ROBO2: variants seen among roughly 807,000 people sequenced by gnomAD.
ROBO2 encodes roundabout homolog 2.
Under a neutral mutation model 160.8 loss-of-function variants are expected in ROBO2, and 53 were observed. The ratio of observed to expected loss-of-function variants is 0.33; its 90% CI spans 0.26 to 0.41. The LOEUF (loss-of-function observed/expected upper bound fraction) is 0.41, where lower values mean the gene tolerates loss of function less well. Ranked by LOEUF, ROBO2 falls within the 10% of genes least tolerant of loss-of-function variation. The pLI is 1.00. For synonymous variants in ROBO2, 664 were observed against 611.7 expected (o/e 1.09, Z -1.26); for missense variants, 1,577 against 1,722.4 (o/e 0.92, Z 1.49).
intron 2 of ROBO2, among the ~76,000 whole-genome samples, chr3:76,907,876 G>A (rs1559685151): frequency 6.8e-6 from 1 of 146,678 alleles, no homozygotes. Flanking sequence ...GTCTTGCTCT[G>A]TCGCCCAGGC....
intron 2 of ROBO2, among the ~76,000 whole-genome samples, chr3:77,292,596 T>A (rs1580758296): frequency 6.8e-6 from 1 of 146,936 alleles, no homozygotes; most frequent in African/African-American, 2.5e-5. Context: ...TGAGGCCAGA[T>A]CACCCCAGAC....
intron 2 of ROBO2, among the ~76,000 whole-genome samples, chr3:76,504,145 C>T (rs988474732): frequency 5.9e-5 from 9 of 152,176 alleles, no homozygotes; most frequent in East Asian, 1.9e-4. Flanking sequence ...ATGAAAAATA[C>T]GCATAACAAA....
chr3:77,451,680 C>G (rs1418509348), intron 2 of ROBO2, among the ~76,000 whole-genome samples: 3 of 151,994 alleles, frequency 2.0e-5, no homozygotes, highest in African/African-American at 7.2e-5. Context: ...TTTATCTCTC[C>G]CCTCTCCTGC....
At chr3:76,869,443 G>A (rs979646479) in intron 2 of ROBO2, among the ~76,000 whole-genome samples, 2 of 134,796 alleles carry the variant, frequency 1.5e-5, no homozygotes, top group Non-Finnish European at 3.1e-5. Flanking sequence ...TCCGCCTCCC[G>A]GGTTCACGCC....
intron 2 of ROBO2, among the ~76,000 whole-genome samples, chr3:77,222,473 T>C (rs963351150): frequency 6.6e-6 from 1 of 151,892 alleles, no homozygotes; most frequent in African/African-American, 2.4e-5. Flanking sequence ...TTCAGAAGAC[T>C]TTTTTTTAAA....
At chr3:76,503,017 T>C (rs1357433041) in intron 2 of ROBO2, among the ~76,000 whole-genome samples, 1 of 142,696 alleles carries the variant, frequency 7.0e-6, no homozygotes, top group African/African-American at 3.1e-5. Context: ...TGTGTGTGTG[T>C]GTGCGCGCGC....
At chr3:77,647,296 T>A (rs1444572076) in exon 26 of ROBO2, 2 of 152,142 alleles carry the variant, frequency 1.3e-5, no homozygotes, top group Non-Finnish European at 2.9e-5. Flanking sequence ...AGCCAAATTG[T>A]ACGTGCTTAA....
At chr3:77,165,133 G>A (rs1282779816) in intron 2 of ROBO2, among the ~76,000 whole-genome samples, 1 of 151,660 alleles carries the variant, frequency 6.6e-6, no homozygotes, top group East Asian at 1.9e-4. Flanking sequence ...GGGAAAGGCG[G>A]GGAAAAGATT....
At chr3:76,814,108 A>T (rs2109030722) in intron 2 of ROBO2, among the ~76,000 whole-genome samples, 1 of 152,292 alleles carries the variant, frequency 6.6e-6, no homozygotes, top group East Asian at 1.9e-4. Context: ...TGGGCAAATT[A>T]AAAACGAAGT....
chr3:75,954,222 T>G (rs566395948), intron 2 of ROBO2, among the ~76,000 whole-genome samples: 1 of 151,864 alleles, frequency 6.6e-6, no homozygotes, highest in Admixed American at 6.6e-5. Flanking sequence ...TTCCATTTAA[T>G]GCATGTATAT....
At chr3:76,328,908 T>TTATATA (rs201466987) in intron 2 of ROBO2, among the ~76,000 whole-genome samples, 4,501 of 135,840 alleles carry the variant, frequency 0.033, 72 homozygotes, top group East Asian at 0.065. Context: ...ATTTATGTTA[T>TTATATA]TATATATATA....
At chr3:75,968,347 A>G (rs1219664756) in intron 2 of ROBO2, among the ~76,000 whole-genome samples, 1 of 151,452 alleles carries the variant, frequency 6.6e-6, no homozygotes, top group African/African-American at 2.4e-5. Context: ...TCCTCTGCTT[A>G]TCTTCCATCA....
chr3:77,031,980 C>T (rs1416859003), intron 2 of ROBO2, among the ~76,000 whole-genome samples: 2 of 152,088 alleles, frequency 1.3e-5, no homozygotes, highest in Non-Finnish European at 2.9e-5. Flanking sequence ...GTGGTACCTT[C>T]TCACTGTGTC....
At chr3:76,288,409 C>G (rs958216147) in intron 2 of ROBO2, among the ~76,000 whole-genome samples, 1 of 151,828 alleles carries the variant, frequency 6.6e-6, no homozygotes, top group East Asian at 1.9e-4. Context: ...ACCTAAAATA[C>G]CCATTTTTTT....
intron 2 of ROBO2, among the ~76,000 whole-genome samples, chr3:76,484,407 A>G (rs1264915801): frequency 2.0e-5 from 3 of 152,224 alleles, no homozygotes; most frequent in African/African-American, 7.2e-5. Context: ...GTTGTGTGTC[A>G]GCAACTGTGC....
chr3:76,739,479 G>T (rs6548446), intron 2 of ROBO2, among the ~76,000 whole-genome samples: 83,848 of 135,576 alleles, frequency 0.62, 25,918 homozygotes, highest in Admixed American at 0.65. Flanking sequence ...GGGGACTGTT[G>T]TGGGGTTGGG....
chr3:76,808,165 T>G (rs575716409), intron 2 of ROBO2, among the ~76,000 whole-genome samples: 1 of 152,276 alleles, frequency 6.6e-6, no homozygotes, highest in East Asian at 1.9e-4. Flanking sequence ...ATCCAACTTT[T>G]TTCTTCTATC....
chr3:76,121,884 T>C (rs2070767015), intron 2 of ROBO2, among the ~76,000 whole-genome samples: 1 of 152,186 alleles, frequency 6.6e-6, no homozygotes. Context: ...CCAAATAGAC[T>C]CTCTGAATTC....
intron 2 of ROBO2, among the ~76,000 whole-genome samples, chr3:77,133,084 T>C (rs1376991695): frequency 6.6e-6 from 1 of 152,202 alleles, no homozygotes; most frequent in Non-Finnish European, 1.5e-5. Context: ...TCAATACGTC[T>C]CTGTGCTTAT....
Sources: allele counts gnomAD v4.1 joint callset (sites outside exome capture counted in the v4.1 genomes callset), GRCh38; gene constraint gnomAD v4.1.1; transcripts MANE v1.5; gene names NCBI Gene and HGNC (gene_info 2026-07-23, HGNC 2026-07-21).